NAALADL2: variants seen among roughly 807,000 people sequenced by gnomAD.
NAALADL2 encodes the protein inactive N-acetylated-alpha-linked acidic dipeptidase-like protein 2.
In NAALADL2, 76 loss-of-function variants were observed where a neutral mutation model predicts 87.2. That is an observed-to-expected ratio of 0.87 (90% confidence interval 0.72 to 1.05). NAALADL2 has a LOEUF of 1.05. Ranked by LOEUF, NAALADL2 falls within the 50% of genes least tolerant of loss-of-function variation. The pLI is 0.00. For missense variants in NAALADL2, 1,089 were observed against 945.8 expected, an observed-to-expected ratio of 1.15 and a Z score of -1.99; for synonymous variants, 354 against 331.0, an observed-to-expected ratio of 1.07 and a Z score of -0.75.
intron 5 of NAALADL2, among the ~76,000 whole-genome samples, chr3:175,423,535 C>T (rs1017079415): frequency 2.6e-5 from 4 of 150,972 alleles, no homozygotes; most frequent in South Asian, 2.1e-4. Flanking sequence ...TTTGTCCTTG[C>T]GATAGTTTAC....
chr3:174,575,768 A>G (rs569959984), intron 2 of NAALADL2, among the ~76,000 whole-genome samples: 1 of 152,300 alleles, frequency 6.6e-6, no homozygotes, highest in East Asian at 1.9e-4. Context: ...CTGTACATTT[A>G]TTGTTAATTT....
chr3:174,579,896 A>G (rs922244852), intron 2 of NAALADL2, among the ~76,000 whole-genome samples: 1 of 152,044 alleles, frequency 6.6e-6, no homozygotes, highest in Non-Finnish European at 1.5e-5. Flanking sequence ...TTATGTAGAC[A>G]TAGTATTTAC....
At chr3:174,901,903 C>G (rs184812180) in intron 1 of NAALADL2, among the ~76,000 whole-genome samples, 1 of 152,314 alleles carries the variant, frequency 6.6e-6, no homozygotes, top group Admixed American at 6.5e-5. Context: ...AGCTTCCTTA[C>G]AGAAGAACAA....
chr3:175,377,168 T>C (rs1036841500), intron 5 of NAALADL2, among the ~76,000 whole-genome samples: 1 of 151,948 alleles, frequency 6.6e-6, no homozygotes, highest in Non-Finnish European at 1.5e-5. Flanking sequence ...CAAAAATTAG[T>C]TGGGCCGGTG....
At chr3:175,427,229 A>G (rs1033721340) in intron 5 of NAALADL2, among the ~76,000 whole-genome samples, 2 of 152,202 alleles carry the variant, frequency 1.3e-5, no homozygotes, top group African/African-American at 4.8e-5. Flanking sequence ...GTTTTTAACA[A>G]TTTACAACAG....
intron 2 of NAALADL2, among the ~76,000 whole-genome samples, chr3:174,575,958 G>C (rs918278680): frequency 6.6e-6 from 1 of 152,050 alleles, no homozygotes; most frequent in African/African-American, 2.4e-5. Flanking sequence ...CCACTTCCCG[G>C]GTTAAAGCGA....
intron 2 of NAALADL2, among the ~76,000 whole-genome samples, chr3:175,127,176 T>C (rs1426240152): frequency 6.6e-6 from 1 of 152,086 alleles, no homozygotes; most frequent in Non-Finnish European, 1.5e-5. Context: ...CATCATGACA[T>C]GTCATTCAGA....
chr3:174,882,526 C>CACACATATGT (rs1729359565), intron 1 of NAALADL2, among the ~76,000 whole-genome samples: 5 of 148,236 alleles, frequency 3.4e-5, no homozygotes, highest in African/African-American at 5.1e-5. Context: ...TGTGCATATA[C>CACACATATGT]ACATATATGC....
intron 3 of NAALADL2, among the ~76,000 whole-genome samples, chr3:174,848,878 C>A (rs1045944937): frequency 6.6e-6 from 1 of 152,260 alleles, no homozygotes; most frequent in East Asian, 1.9e-4. Flanking sequence ...TACAGTATAG[C>A]TTACTGAACA....
chr3:175,673,356 T>C lies in NAALADL2; in HGVS notation c.1896+45970T>C, dbSNP rs141436629. Among the ~76,000 whole-genome samples, 644 of 152,244 alleles carry C rather than the reference T, an allele frequency of 4.2e-3. 7 individuals are homozygous for C. The highest frequency in any genetic ancestry group is 0.015 in the African/African-American group (605 of 41,558). On this transcript the variant is annotated intron_variant, in intron 11 of 13. Transcript: ENST00000454872. Reference sequence around the variant, plus strand: ...AACTAAATGGAGATCAATAGCTATATAATATTATTCATGTAAAAACAATCT... The same window carrying C: ...AACTAAATGGAGATCAATAGCTATACAATATTATTCATGTAAAAACAATCT...
intron 5 of NAALADL2, among the ~76,000 whole-genome samples, chr3:175,359,270 A>G (rs1456736201): frequency 1.3e-5 from 2 of 152,120 alleles, no homozygotes; most frequent in Non-Finnish European, 2.9e-5. Context: ...ACCTCCCAGA[A>G]AACTAATCAC....
At chr3:175,310,940 A>G (rs954326682) in intron 4 of NAALADL2, among the ~76,000 whole-genome samples, 1 of 152,112 alleles carries the variant, frequency 6.6e-6, no homozygotes, top group Non-Finnish European at 1.5e-5. Context: ...GATGAAAAAA[A>G]AAAGTGCATG....
At chr3:175,439,146 C>T (rs1447648581) in intron 5 of NAALADL2, among the ~76,000 whole-genome samples, 1 of 152,110 alleles carries the variant, frequency 6.6e-6, no homozygotes, top group East Asian at 1.9e-4. Context: ...ATAATGATCT[C>T]CAATTCCATC....
intron 2 of NAALADL2, among the ~76,000 whole-genome samples, chr3:175,152,915 GA>G (rs549862775): frequency 4.7e-5 from 7 of 150,132 alleles, no homozygotes; most frequent in Non-Finnish European, 7.4e-5. Context: ...TCAAAAAAAA[GA>G]AAAAAAAATT....
intron 10 of NAALADL2, among the ~76,000 whole-genome samples, chr3:175,577,195 A>G (rs1023883512): frequency 1.3e-5 from 2 of 152,168 alleles, no homozygotes; most frequent in African/African-American, 4.8e-5. Flanking sequence ...TCGACAAATT[A>G]TTTAACATCT....
At chr3:175,314,893 G>C (rs2110340389) in intron 4 of NAALADL2, among the ~76,000 whole-genome samples, 1 of 151,176 alleles carries the variant, frequency 6.6e-6, no homozygotes, top group Admixed American at 6.6e-5. Context: ...GACAACAATA[G>C]AAATATTATT....
chr3:174,686,990 C>T (rs968850919), intron 2 of NAALADL2, among the ~76,000 whole-genome samples: 11 of 151,978 alleles, frequency 7.2e-5, no homozygotes, highest in Non-Finnish European at 1.6e-4. Flanking sequence ...TTAGTCATTA[C>T]ATCAGGTCAT....
In NAALADL2 at chr3:175,471,669, G is replaced by A. The variant is rs750596347; in HGVS notation, c.1564G>A (p.Val522Met). 1 of 1,542,240 alleles carries A rather than the reference G, an allele frequency of 6.5e-7. No individual in the cohort carries two copies. The highest frequency in any genetic ancestry group is 2.3e-5 in the East Asian group (1 of 44,160). ...CAAGAAGGTTCTTCAGAAAAATGTT[G>A]TGGCTTATATTAGCCTCCACAGTCC... The part of the protein sequence containing the change: ...DFKKVLQKNV[V>M]AYISLHSPIR... Residue 522 changes from valine to methionine, a missense_variant, in exon 9 of 14, where the codon GTG becomes ATG. Val to Met is a conservative substitution (Grantham distance 21). Coordinates refer to ENST00000454872, the MANE Select transcript of NAALADL2 (RefSeq NM_207015.3).
At chr3:174,841,681 C>T (rs1478502437) in intron 3 of NAALADL2, among the ~76,000 whole-genome samples, 1 of 152,136 alleles carries the variant, frequency 6.6e-6, no homozygotes, top group African/African-American at 2.4e-5. Context: ...ATACATTTTT[C>T]TCTATGCCAA....
Sources: gnomAD v4.1 joint callset for allele counts (sites outside exome capture counted in the v4.1 genomes callset) on GRCh38, gnomAD v4.1.1 for gene constraint, MANE v1.5 for transcripts, NCBI Gene and HGNC (gene_info 2026-07-23, HGNC 2026-07-21) for gene names.